The following NBAS variants were observed in gnomAD, a reference collection of about 807,000 sequenced individuals.
NBAS encodes the protein NAG/BC035112 fusion.
A neutral mutation model predicts 302.5 loss-of-function variants in NBAS; 219 were observed. That is an observed-to-expected ratio of 0.72 (90% confidence interval 0.65 to 0.81). The LOEUF (loss-of-function observed/expected upper bound fraction) is 0.81. Ranked by LOEUF, NBAS falls within the 30% of genes least tolerant of loss-of-function variation. The pLI is 0.00. For missense variants in NBAS, 2,932 were observed against 2,841.6 expected (o/e 1.03, Z -0.72); for synonymous variants, 1,118 against 1,021.6 (o/e 1.09, Z -1.80).
the NBAS span, among the ~76,000 whole-genome samples, chr2:15,141,234 C>T: frequency 6.6e-6 from 1 of 152,036 alleles, no homozygotes; most frequent in Non-Finnish European, 1.5e-5. Context: ...CAGAGCTCTA[C>T]AATTTTGAAT....
intron 9 of NBAS, among the ~76,000 whole-genome samples, chr2:15,515,035 C>T (rs1662321517): frequency 6.6e-6 from 1 of 152,166 alleles, no homozygotes; most frequent in Non-Finnish European, 1.5e-5. Flanking sequence ...GACACTGATG[C>T]TCCAGCTCTA....
intron 31 of NBAS, among the ~76,000 whole-genome samples, chr2:15,373,335 T>C (rs912156095): frequency 1.3e-5 from 2 of 152,204 alleles, no homozygotes; most frequent in African/African-American, 2.4e-5. Flanking sequence ...CTTTTGAGTC[T>C]AATAAGTTAT....
In NBAS at chr2:15,424,487, C is replaced by A. The variant is rs1176020257; in HGVS notation, c.2424-19G>T. On this transcript the variant is annotated intron_variant, in intron 22 of 51. Transcript: ENST00000281513. ...AACCATTCTGTGAAGCACAAAAGGA[C>A]CAATTAATAACTGACTAGAATGTTG... The A allele has an allele frequency of 6.2e-7, 1 of 1,613,524 alleles. No individual in the cohort carries two copies. Among genetic ancestry groups the A allele is most frequent in the South Asian group, 1.1e-5 (1 of 91,068 alleles).
chr2:15,098,346 T>TGATATATAGTATAC, the NBAS span, among the ~76,000 whole-genome samples: 58 of 6,524 alleles, frequency 8.9e-3, 27 homozygotes, highest in Non-Finnish European at 0.011. Flanking sequence ...ATATAATATA[T>TGATATATAGTATAC]AATATATGAT....
At chr2:15,171,491 T>A (rs1156235885) in intron 51 of NBAS, among the ~76,000 whole-genome samples, 1 of 152,282 alleles carries the variant, frequency 6.6e-6, no homozygotes, top group Non-Finnish European at 1.5e-5. Context: ...AAAATAGTTG[T>A]TATAAGTTAT....
the NBAS span, among the ~76,000 whole-genome samples, chr2:15,138,378 C>T: frequency 6.6e-6 from 1 of 152,068 alleles, no homozygotes; most frequent in Non-Finnish European, 1.5e-5. Context: ...GGTTATGATG[C>T]TTGGAACGGA....
the NBAS span, among the ~76,000 whole-genome samples, chr2:15,043,092 C>A: frequency 1.3e-5 from 2 of 152,178 alleles, no homozygotes; most frequent in Non-Finnish European, 2.9e-5. Context: ...AATAACAAAT[C>A]CTACTTAACG....
At chr2:15,281,841 C>T (rs1197626819) in intron 42 of NBAS, among the ~76,000 whole-genome samples, 2 of 152,114 alleles carry the variant, frequency 1.3e-5, no homozygotes, top group Non-Finnish European at 2.9e-5. Flanking sequence ...TGGAGAAAAA[C>T]AGTGTTAAGG....
intron 16 of NBAS, among the ~76,000 whole-genome samples, chr2:15,468,924 CT>C (rs1377383705): frequency 6.6e-6 from 1 of 152,188 alleles, no homozygotes; most frequent in Non-Finnish European, 1.5e-5. Flanking sequence ...GCATGTTTAA[CT>C]TTTAAACAAA....
intron 21 of NBAS, among the ~76,000 whole-genome samples, chr2:15,437,785 C>T (rs1197466881): frequency 1.3e-5 from 2 of 152,128 alleles, no homozygotes; most frequent in Non-Finnish European, 2.9e-5. Context: ...AAAGGTATTG[C>T]TCCTGCCCTC....
intron 44 of NBAS, among the ~76,000 whole-genome samples, chr2:15,262,989 G>A (rs1242800995): frequency 2.0e-5 from 3 of 152,160 alleles, no homozygotes; most frequent in Middle Eastern, 3.2e-3. Context: ...TGCCCACATT[G>A]CAGTAATGAG....
the NBAS span, among the ~76,000 whole-genome samples, chr2:14,989,135 C>T: frequency 2.0e-5 from 3 of 151,992 alleles, no homozygotes; most frequent in Admixed American, 6.5e-5. Context: ...AAAAAACAGA[C>T]AATAAGATCA....
intron 38 of NBAS, among the ~76,000 whole-genome samples, chr2:15,310,004 A>G (rs1671204394): frequency 6.6e-6 from 1 of 152,224 alleles, no homozygotes. Flanking sequence ...ATTTTTAAAA[A>G]ACACAGATGC....
the NBAS span, among the ~76,000 whole-genome samples, chr2:14,979,044 TG>T: frequency 2.6e-5 from 4 of 152,220 alleles, no homozygotes; most frequent in Non-Finnish European, 5.9e-5. Context: ...TTTTCATTTT[TG>T]TGAGTCACTG....
the NBAS span, among the ~76,000 whole-genome samples, chr2:15,082,361 A>C: frequency 2.0e-5 from 3 of 152,196 alleles, no homozygotes. Context: ...TGCAGCAGTG[A>C]AGAGGAAAGA....
At chr2:14,866,254 C>A in the NBAS span, among the ~76,000 whole-genome samples, 2 of 152,112 alleles carry the variant, frequency 1.3e-5, no homozygotes, top group East Asian at 1.9e-4. Context: ...TAGTGACTAG[C>A]AATTCTGGGT....
chr2:14,923,138 C>T, the NBAS span, among the ~76,000 whole-genome samples: 4 of 152,052 alleles, frequency 2.6e-5, no homozygotes, highest in African/African-American at 4.8e-5. Flanking sequence ...GGTGACAGAG[C>T]GAAACTCTGT....
At chr2:15,050,123 A>G in the NBAS span, among the ~76,000 whole-genome samples, 3 of 151,690 alleles carry the variant, frequency 2.0e-5, no homozygotes, top group African/African-American at 7.3e-5. Context: ...TTCTTCAACC[A>G]CTCGAGGTCT....
At chr2:14,936,923 A>C in the NBAS span, among the ~76,000 whole-genome samples, 10 of 152,276 alleles carry the variant, frequency 6.6e-5, no homozygotes, top group East Asian at 1.9e-3. Context: ...CTTTTGGAGA[A>C]ACCTAGGAAT....
Sources: gnomAD v4.1 joint callset for allele counts (sites outside exome capture counted in the v4.1 genomes callset) on GRCh38, gnomAD v4.1.1 for gene constraint, MANE v1.5 for transcripts, NCBI Gene and HGNC (gene_info 2026-07-23, HGNC 2026-07-21) for gene names.